Variants in CDH18 observed in about 807,000 individuals in gnomAD.
The protein encoded by CDH18 is cadherin-18.
Under a neutral mutation model 67.9 loss-of-function variants are expected in CDH18, and 31 were observed. The observed-to-expected ratio is 0.46, with a 90% CI of 0.34 to 0.62. CDH18 has a LOEUF of 0.62. Ranked by LOEUF, CDH18 falls within the 20% of genes least tolerant of loss-of-function variation. CDH18 has a pLI of 0.01. For missense variants in CDH18, 890 were observed against 975.5 expected (o/e 0.91, Z 1.17); for synonymous variants, 362 against 347.2 (o/e 1.04, Z -0.48).
At chr5:20,500,926 G>A (rs970078136) in intron 1 of CDH18, among the ~76,000 whole-genome samples, 2 of 152,114 alleles carry the variant, frequency 1.3e-5, no homozygotes, top group Admixed American at 6.6e-5. Flanking sequence ...TCTAGACTAA[G>A]TAGTTTATAA....
chr5:20,390,433 A>G (rs1014665291), intron 1 of CDH18, among the ~76,000 whole-genome samples: 1 of 152,214 alleles, frequency 6.6e-6, no homozygotes, highest in Non-Finnish European at 1.5e-5. Context: ...CAAAAACACA[A>G]TGAGACACCA....
At chr5:19,632,169 T>A (rs1752508522) in intron 5 of CDH18, among the ~76,000 whole-genome samples, 1 of 152,218 alleles carries the variant, frequency 6.6e-6, no homozygotes, top group Admixed American at 6.5e-5. Context: ...GAGTACTTTC[T>A]GTTTTTTAAT....
At position 20,447,604 on chromosome 5, in the gene CDH18, A is replaced by T. The variant is rs1422885184; in HGVS notation, c.-580+127858T>A. ...TTCTAGAAGTTAACCAGTCTCACAT[A>T]TTTTTTACAGCACCACAAATGGACT... On this transcript the variant is annotated intron_variant, in intron 1 of 14. Transcript: ENST00000507958. 5.3e-5 allele frequency among the ~76,000 whole-genome samples: 8 copies of T among 152,218 alleles called. No homozygotes were observed. In the South Asian group the frequency reaches 1.5e-3, roughly 28 times the overall value.
At chr5:19,779,765 GTTA>G (rs921574681) in intron 3 of CDH18, among the ~76,000 whole-genome samples, 3 of 152,128 alleles carry the variant, frequency 2.0e-5, no homozygotes, top group African/African-American at 7.2e-5. Flanking sequence ...TGTAGAAGAT[GTTA>G]TTACTAAAAT....
chr5:19,722,257 T>C (rs1248885645), intron 4 of CDH18, among the ~76,000 whole-genome samples: 1 of 151,830 alleles, frequency 6.6e-6, no homozygotes, highest in Non-Finnish European at 1.5e-5. Context: ...TTTCGCCATG[T>C]TGGCCAGGTT....
chr5:19,519,252 A>G (rs530509597), intron 10 of CDH18, among the ~76,000 whole-genome samples: 181 of 152,336 alleles, frequency 1.2e-3, no homozygotes, highest in Non-Finnish European at 2.0e-3. Flanking sequence ...AAAGCCAGAC[A>G]TTGAGATAGA....
intron 5 of CDH18, among the ~76,000 whole-genome samples, chr5:19,625,489 T>C (rs990551766): frequency 1.3e-5 from 2 of 152,064 alleles, no homozygotes; most frequent in African/African-American, 2.4e-5. Flanking sequence ...ATTGTTGCAC[T>C]GTTCTGGAAT....
intron 2 of CDH18, among the ~76,000 whole-genome samples, chr5:19,934,061 A>T (rs190334102): frequency 6.6e-6 from 1 of 151,474 alleles, no homozygotes; most frequent in African/African-American, 2.4e-5. Flanking sequence ...AAATTCCATG[A>T]GAGCCAGGAT....
At chr5:19,757,450 C>A (rs533158695) in intron 3 of CDH18, among the ~76,000 whole-genome samples, 2 of 152,232 alleles carry the variant, frequency 1.3e-5, no homozygotes, top group South Asian at 4.1e-4. Flanking sequence ...GGTGAGTGGA[C>A]GTCCATGTTG....
chr5:20,022,597 T>C (rs1350367257), intron 2 of CDH18, among the ~76,000 whole-genome samples: 1 of 152,218 alleles, frequency 6.6e-6, no homozygotes, highest in Non-Finnish European at 1.5e-5. Flanking sequence ...TGTCCATTTC[T>C]AAATATTTTA....
intron 6 of CDH18, among the ~76,000 whole-genome samples, chr5:19,593,085 G>T (rs1199115290): frequency 1.3e-5 from 2 of 151,986 alleles, no homozygotes; most frequent in South Asian, 2.1e-4. Flanking sequence ...CATTTAGATT[G>T]TTTCCATGTC....
intron 3 of CDH18, among the ~76,000 whole-genome samples, chr5:19,785,387 T>C (rs1380670691): frequency 6.6e-6 from 1 of 151,378 alleles, no homozygotes; most frequent in African/African-American, 2.4e-5. Flanking sequence ...GCGCGGTGGC[T>C]CATACCTGCA....
intron 2 of CDH18, among the ~76,000 whole-genome samples, chr5:20,203,773 G>T (rs1471832295): frequency 1.3e-5 from 2 of 151,854 alleles, no homozygotes; most frequent in African/African-American, 4.8e-5. Context: ...GGAAAAATAA[G>T]AAACCAAGTA....
At chr5:19,941,544 G>A (rs1579710404) in intron 2 of CDH18, among the ~76,000 whole-genome samples, 1 of 152,104 alleles carries the variant, frequency 6.6e-6, no homozygotes, top group East Asian at 2.0e-4. Flanking sequence ...AACTTTGGGA[G>A]GCCAAGATGG....
intron 2 of CDH18, among the ~76,000 whole-genome samples, chr5:19,952,859 G>T (rs1264652150): frequency 1.3e-5 from 2 of 152,216 alleles, no homozygotes; most frequent in East Asian, 3.9e-4. Context: ...TAGTTATACA[G>T]TTGTTCAATT....
chr5:20,107,451 G>C (rs1003741125), intron 2 of CDH18, among the ~76,000 whole-genome samples: 3 of 152,134 alleles, frequency 2.0e-5, no homozygotes, highest in Non-Finnish European at 4.4e-5. Context: ...ATTATTTCAG[G>C]TATCTGATCA....
chr5:19,745,736 G>A (rs1338718513), intron 4 of CDH18, among the ~76,000 whole-genome samples: 2 of 152,024 alleles, frequency 1.3e-5, no homozygotes, highest in Non-Finnish European at 2.9e-5. Context: ...CAGAGGGAAC[G>A]AGTTTGGCAA....
intron 1 of CDH18, among the ~76,000 whole-genome samples, chr5:20,450,213 G>A (rs983830964): frequency 7.2e-5 from 11 of 152,172 alleles, no homozygotes; most frequent in African/African-American, 2.6e-4. Context: ...CAGACGTGGT[G>A]GCACACGCCT....
At chr5:20,129,150 A>G (rs1475927861) in intron 2 of CDH18, among the ~76,000 whole-genome samples, 1 of 152,026 alleles carries the variant, frequency 6.6e-6, no homozygotes, top group Non-Finnish European at 1.5e-5. Flanking sequence ...TTATGTAGAA[A>G]AGGTTGATTG....
Sources: allele counts gnomAD v4.1 joint callset (sites outside exome capture counted in the v4.1 genomes callset), GRCh38; gene constraint gnomAD v4.1.1; transcripts MANE v1.5; gene names NCBI Gene and HGNC (gene_info 2026-07-23, HGNC 2026-07-21).